The following CACNA2D3 variants were observed in gnomAD, a reference collection of about 807,000 sequenced individuals.
CACNA2D3 encodes voltage-dependent calcium channel subunit alpha-2/delta-3.
A neutral mutation model predicts 160.6 loss-of-function variants in CACNA2D3; 60 were observed. The ratio of observed to expected loss-of-function variants is 0.37; its 90% confidence interval spans 0.30 to 0.46. The LOEUF (loss-of-function observed/expected upper bound fraction) is 0.46. CACNA2D3 is among the 20% of genes least tolerant of loss of function. CACNA2D3 has a pLI of 1.00. For missense variants in CACNA2D3, 1,205 were observed against 1,365.0 expected (o/e 0.88, Z 1.85); for synonymous variants, 558 against 492.9 (o/e 1.13, Z -1.75).
chr3:54,309,611 A>G lies in CACNA2D3; in HGVS notation c.205-10831A>G, dbSNP rs1204079383. ...TTTAGTCAGGCACTCTAAAACAGCT[A>G]GTTGGGAGCATGGGCTCTGGGGGCA... On this transcript the variant is annotated intron_variant, in intron 2 of 37. Transcript: ENST00000474759. Among the ~76,000 whole-genome samples the G allele has an allele frequency of 2.0e-5, 3 of 152,086 alleles. No individual in the cohort carries two copies. The East Asian group carries it at 5.8e-4, about 29-fold the overall frequency.
chr3:54,660,717 C>T (rs1465075663), intron 11 of CACNA2D3, among the ~76,000 whole-genome samples: 3 of 152,110 alleles, frequency 2.0e-5, no homozygotes, highest in Non-Finnish European at 4.4e-5. Context: ...GCTTAGTGAA[C>T]ATGTTCCATT....
chr3:54,783,453 A>G (rs1407753563), intron 13 of CACNA2D3, among the ~76,000 whole-genome samples: 1 of 151,960 alleles, frequency 6.6e-6, no homozygotes, highest in East Asian at 1.9e-4. Flanking sequence ...TAAAAATACA[A>G]AAATTAGCCG....
In CACNA2D3 at chr3:54,736,144, C is replaced by T. The variant is rs546438085; in HGVS notation, c.1168-16455C>T. ...ACATATATATATGTATATATATACA[C>T]ACACACACACACACACACACAGACA... On this transcript the variant is annotated intron_variant, in intron 11 of 37. Transcript: ENST00000474759. Among the ~76,000 whole-genome samples the T allele has an allele frequency of 3.6e-3, 403 of 112,282 alleles. 27 individuals are homozygous for T. Among genetic ancestry groups the T allele is most frequent in the African/African-American group, 1.0e-2 (287 of 28,792 alleles). The allele number at this position is 112,282 out of a possible 152,430, so 73.7% of individuals were successfully genotyped here.
chr3:54,495,451 CA>C (rs1417542265), intron 4 of CACNA2D3, among the ~76,000 whole-genome samples: 1 of 152,050 alleles, frequency 6.6e-6, no homozygotes, highest in Non-Finnish European at 1.5e-5. Context: ...CATGTATCAT[CA>C]AGATAGGGCA....
chr3:54,223,428 C>T (rs1701610577), intron 2 of CACNA2D3, among the ~76,000 whole-genome samples: 1 of 152,136 alleles, frequency 6.6e-6, no homozygotes, highest in Middle Eastern at 3.4e-3. Flanking sequence ...AGATGGTACA[C>T]CTGTATAGGA....
At chr3:54,413,129 C>T (rs1253377642) in intron 4 of CACNA2D3, among the ~76,000 whole-genome samples, 1 of 151,516 alleles carries the variant, frequency 6.6e-6, no homozygotes, top group Non-Finnish European at 1.5e-5. Context: ...TCGTTTTAAC[C>T]TCATTTTGGA....
intron 11 of CACNA2D3, among the ~76,000 whole-genome samples, chr3:54,743,018 T>C (rs767643536): frequency 5.9e-5 from 9 of 152,098 alleles, no homozygotes; most frequent in Admixed American, 2.6e-4. Flanking sequence ...TCTGGAAAAA[T>C]AGAAAAGTAT....
In CACNA2D3 at chr3:54,490,115, G is replaced by T. The variant is rs561575429; in HGVS notation, c.382-13377G>T. On this transcript the variant is annotated intron_variant, in intron 4 of 37. Coordinates refer to ENST00000474759, the MANE Select transcript of CACNA2D3 (RefSeq NM_018398.3). Reference sequence around the variant, plus strand: ...TATTTTTTAATCTAAGTTGTAAAAAGCTGGCCATCATCCCAGAGCTGGGAA... The same window carrying T: ...TATTTTTTAATCTAAGTTGTAAAAATCTGGCCATCATCCCAGAGCTGGGAA... 1.1e-3 allele frequency among the ~76,000 whole-genome samples: 170 copies of T among 152,286 alleles called. 1 individual carries two copies. The highest frequency in any genetic ancestry group is 1.9e-3 in the Non-Finnish European group (126 of 68,014).
chr3:54,816,016 G>T lies in CACNA2D3; in HGVS notation c.1381-837G>T, dbSNP rs1042317414. ...ACCGTAGCCTAATACTCTCAACACA[G>T]AAATATAGACAAATATGTCTCGTAA... On this transcript the variant is annotated intron_variant, in intron 13 of 37. Transcript: ENST00000474759. Among the ~76,000 whole-genome samples the T allele has an allele frequency of 5.3e-5, 8 of 152,276 alleles. 1 individual carries two copies. The highest frequency in any genetic ancestry group is 3.4e-3 in the Middle Eastern group (1 of 294).
chr3:54,517,815 G>C (rs1482447599), intron 5 of CACNA2D3, among the ~76,000 whole-genome samples: 1 of 152,034 alleles, frequency 6.6e-6, no homozygotes, highest in African/African-American at 2.4e-5. Context: ...CTCCCTCCTT[G>C]CTCTGCATGC....
At chr3:54,585,825 G>T (rs1295514175) in intron 9 of CACNA2D3, among the ~76,000 whole-genome samples, 1 of 152,158 alleles carries the variant, frequency 6.6e-6, no homozygotes, top group Non-Finnish European at 1.5e-5. Flanking sequence ...AATTCAAGAT[G>T]AGATTTGGGT....
intron 2 of CACNA2D3, among the ~76,000 whole-genome samples, chr3:54,162,616 A>G (rs548390743): frequency 1.3e-5 from 2 of 152,202 alleles, no homozygotes; most frequent in Non-Finnish European, 1.5e-5. Flanking sequence ...GGGAAGTGGT[A>G]TGAGTTTAAA....
At chr3:54,997,569 G>GA (rs146037381) in intron 31 of CACNA2D3, among the ~76,000 whole-genome samples, 4,830 of 110,658 alleles carry the variant, frequency 0.044, 114 homozygotes, top group Non-Finnish European at 0.062. Context: ...CAAAAAAAAA[G>GA]AAAAAAATTA....
chr3:54,986,001 A>G (rs926712599), intron 30 of CACNA2D3, among the ~76,000 whole-genome samples: 1 of 152,218 alleles, frequency 6.6e-6, no homozygotes, highest in Non-Finnish European at 1.5e-5. Context: ...AGACAGCAGG[A>G]AAGTCCTTTG....
At chr3:54,541,426 A>G (rs1485915674) in intron 5 of CACNA2D3, among the ~76,000 whole-genome samples, 1 of 152,140 alleles carries the variant, frequency 6.6e-6, no homozygotes, top group East Asian at 1.9e-4. Flanking sequence ...ACTGCCAACA[A>G]CCACGAGAAG....
chr3:54,553,476 A>C (rs1372908698), intron 5 of CACNA2D3, among the ~76,000 whole-genome samples: 20 of 152,228 alleles, frequency 1.3e-4, no homozygotes, highest in Admixed American at 1.2e-3. Context: ...GAAGACATTT[A>C]GGAAAGACAG....
At chr3:54,853,321 T>C (rs1052346211) in intron 17 of CACNA2D3, among the ~76,000 whole-genome samples, 35 of 152,254 alleles carry the variant, frequency 2.3e-4, no homozygotes, top group African/African-American at 7.7e-4. Context: ...GGGTAGTCAG[T>C]AAATATTTGG....
chr3:54,205,728 C>T (rs1701264735), intron 2 of CACNA2D3, among the ~76,000 whole-genome samples: 1 of 152,140 alleles, frequency 6.6e-6, no homozygotes, highest in African/African-American at 2.4e-5. Context: ...AGTAGTCCCT[C>T]TGGGGCTGGA....
At chr3:54,478,988 C>T (rs75893363) in intron 4 of CACNA2D3, among the ~76,000 whole-genome samples, 1 of 151,134 alleles carries the variant, frequency 6.6e-6, no homozygotes, top group Non-Finnish European at 1.5e-5. Flanking sequence ...TTGGCTATAT[C>T]CCCACCCAGA....
Sources: gnomAD v4.1 joint callset for allele counts (sites outside exome capture counted in the v4.1 genomes callset) on GRCh38, gnomAD v4.1.1 for gene constraint, MANE v1.5 for transcripts, NCBI Gene and HGNC (gene_info 2026-07-23, HGNC 2026-07-21) for gene names.